Variants in SLC12A8 observed in about 807,000 individuals in gnomAD.
SLC12A8 encodes the protein cation-chloride cotransporter 9.
A neutral mutation model predicts 75.6 loss-of-function variants in SLC12A8; 69 were observed. The observed-to-expected ratio is 0.91, with a 90% confidence interval of 0.75 to 1.11. The LOEUF (loss-of-function observed/expected upper bound fraction) is 1.11. SLC12A8 is among the 50% of genes most tolerant of loss of function. The probability of loss-of-function intolerance (pLI) is 0.00; values close to 1 mark genes in which losing one functional copy is unlikely to be tolerated. For missense variants in SLC12A8, 877 were observed against 896.7 expected, an observed-to-expected ratio of 0.98 and a Z score of 0.28; for synonymous variants, 365 against 372.8, an observed-to-expected ratio of 0.98 and a Z score of 0.24.
Position 125,091,486 on chromosome 3 carries a change from G to A in SLC12A8, c.1874C>T (p.Ala625Val), listed in dbSNP as rs201265526. 2.5e-6 allele frequency: 4 copies of A among 1,613,944 alleles called. No individual in the cohort carries two copies. The highest frequency in any genetic ancestry group is 3.4e-6 in the Non-Finnish European group (4 of 1,179,906). The change falls in exon 12 of 14, where the codon GCC becomes GTC. Residue 625 changes from alanine to valine, a missense_variant. By Grantham distance (64) the Ala-to-Val change is moderately conservative. Coordinates refer to ENST00000469902, the MANE Select transcript of SLC12A8 (RefSeq NM_024628.6). ...VYTLVNMGVAAIVYFYIGRAS... is the reference protein window; with the variant it reads ...VYTLVNMGVAVIVYFYIGRAS... ...CCGGCCAATGTAGAAATACACGATG[G>A]CAGCAACACCCATGTTAACCAGGGT...
chr3:125,090,599 T>G (rs955525759), intron 12 of SLC12A8, among the ~76,000 whole-genome samples: 1 of 152,230 alleles, frequency 6.6e-6, no homozygotes, highest in Non-Finnish European at 1.5e-5. Context: ...CAAAGCTGTG[T>G]TTTTAAGTGC....
intron 5 of SLC12A8, among the ~76,000 whole-genome samples, chr3:125,160,922 G>A (rs570617726): frequency 2.2e-4 from 33 of 152,322 alleles, no homozygotes; most frequent in South Asian, 1.2e-3. Flanking sequence ...GTGACCCAGC[G>A]AAGGTCACTC....
chr3:125,142,976 T>C (rs576139561), intron 5 of SLC12A8, among the ~76,000 whole-genome samples: 2 of 152,358 alleles, frequency 1.3e-5, no homozygotes, highest in South Asian at 2.1e-4. Context: ...ACAAGCTCAC[T>C]ACCACAGTTC....
intron 4 of SLC12A8, among the ~76,000 whole-genome samples, chr3:125,182,397 G>A (rs559387722): frequency 1.0e-3 from 155 of 151,990 alleles, no homozygotes; most frequent in Middle Eastern, 6.8e-3. Context: ...TATACTATAC[G>A]ATATTAAGTA....
At chr3:125,159,558 A>T (rs1934122741) in intron 5 of SLC12A8, among the ~76,000 whole-genome samples, 1 of 152,250 alleles carries the variant, frequency 6.6e-6, no homozygotes, top group Non-Finnish European at 1.5e-5. Context: ...AACCAATCTG[A>T]TTTAGCCCTC....
At chr3:125,128,358 T>G (rs1933266009) in intron 6 of SLC12A8, among the ~76,000 whole-genome samples, 1 of 145,410 alleles carries the variant, frequency 6.9e-6, no homozygotes, top group African/African-American at 2.5e-5. Context: ...TTTTTTGTAT[T>G]TTTAGTAGAG....
intron 4 of SLC12A8, among the ~76,000 whole-genome samples, chr3:125,182,824 T>C (rs917385008): frequency 1.3e-5 from 2 of 152,124 alleles, no homozygotes; most frequent in African/African-American, 4.8e-5. Context: ...GTCCCCATTT[T>C]TGTAAAAACA....
intron 5 of SLC12A8, among the ~76,000 whole-genome samples, chr3:125,143,890 C>T (rs539783013): frequency 2.0e-5 from 3 of 152,342 alleles, no homozygotes; most frequent in African/African-American, 7.2e-5. Flanking sequence ...AGGGCAGTCC[C>T]GGGGCTCTTT....
intron 7 of SLC12A8, 117 bp downstream of exon 7, chr3:125,120,482 A>G: frequency 1.3e-6 from 1 of 774,852 alleles, no homozygotes; most frequent in South Asian, 1.5e-5. Flanking sequence ...GGATCGGAAT[A>G]TGAAATAGAT....
At position 125,212,688 on chromosome 3, in the gene SLC12A8, T is replaced by G. The variant is rs1195654856; in HGVS notation, c.-46+12A>C. 1 of 152,460 alleles carries G rather than the reference T, an allele frequency of 6.6e-6. No individual in the cohort carries two copies. Among genetic ancestry groups the G allele is most frequent in the African/African-American group, 2.4e-5 (1 of 41,386 alleles). 9.4% of individuals were successfully genotyped at this position (152,460 alleles called of 1,614,324 possible). On this transcript the variant is annotated intron_variant, in intron 1 of 13. Transcript: ENST00000469902. The stretch of plus-strand genomic sequence containing the variant: ...CCACCCTCTCCACCCCCCACAGCCC[T>G]TCCGCCCTCACCTGCTCCTGGGACA...
intron 5 of SLC12A8, among the ~76,000 whole-genome samples, chr3:125,135,997 C>T (rs994215751): frequency 1.3e-5 from 2 of 152,084 alleles, no homozygotes; most frequent in African/African-American, 4.8e-5. Context: ...AGATGGATGA[C>T]ATAACATGAA....
In SLC12A8 at chr3:125,110,190, C is replaced by A; in HGVS notation, c.1058G>T (p.Gly353Val). The A allele has an allele frequency of 6.2e-7, 1 of 1,611,622 alleles. No homozygotes were observed. Among genetic ancestry groups the A allele is most frequent in the Non-Finnish European group, 8.5e-7 (1 of 1,178,376 alleles). ...AACCAAAAAAAGAGGATTACTCACCCCTTGTCCCAGACAGGCAAGTGCAGG... is the reference window on the plus strand; with the variant it reads ...AACCAAAAAAAGAGGATTACTCACCACTTGTCCCAGACAGGCAAGTGCAGG... ...VIPALACLGQGKGPNKTPVAA... is the reference protein window; with the variant it reads ...VIPALACLGQVKGPNKTPVAA... The change falls in exon 9 of 14, where the codon GGG becomes GTG. Residue 353 changes from glycine to valine, a missense_variant and splice_region_variant. Physicochemically the swap from Gly to Val is moderately radical, Grantham distance 109 (BLOSUM62 -3). Transcript: ENST00000469902.
intron 8 of SLC12A8, among the ~76,000 whole-genome samples, chr3:125,116,064 A>G (rs1273698453): frequency 2.6e-5 from 4 of 152,302 alleles, no homozygotes; most frequent in Non-Finnish European, 5.9e-5. Flanking sequence ...CTGCCTGAGC[A>G]CGGTACCTGC....
chr3:125,192,711 C>T (rs73193442), intron 2 of SLC12A8: 9,388 of 154,490 alleles, frequency 0.061, 434 homozygotes, highest in Non-Finnish European at 0.094. Flanking sequence ...GAAAATATAA[C>T]TGGTTTAAAA....
rs982028727 is a variant in SLC12A8, at chr3:125,120,880, G to A, written c.737-194C>T. On this transcript the variant is annotated intron_variant, in intron 6 of 13. Transcript: ENST00000469902. Reference sequence around the variant, plus strand: ...AGGGAGGCATCCCTGTGGCGTGAAAGGCACCTTTGTGGGTTGGAGGAGGCT... The same window carrying A: ...AGGGAGGCATCCCTGTGGCGTGAAAAGCACCTTTGTGGGTTGGAGGAGGCT... 3 of 702,264 alleles carry A rather than the reference G, an allele frequency of 4.3e-6. No homozygotes were observed. In the African/African-American group the frequency reaches 5.2e-5, roughly 12 times the overall value. The allele number at this position is 702,264 out of a possible 1,614,324, so 43.5% of individuals were successfully genotyped here.
At chr3:125,143,968 T>A (rs928464574) in intron 5 of SLC12A8, among the ~76,000 whole-genome samples, 1 of 152,236 alleles carries the variant, frequency 6.6e-6, no homozygotes. Context: ...TGGTTTCTAA[T>A]AACCAAGAAA....
intron 5 of SLC12A8, among the ~76,000 whole-genome samples, chr3:125,159,712 C>G: frequency 6.6e-6 from 1 of 152,114 alleles, no homozygotes; most frequent in Non-Finnish European, 1.5e-5. Flanking sequence ...TGACCCACTC[C>G]TGAGACCTAG....
At chr3:125,109,043 C>G (rs1336134066) in intron 9 of SLC12A8, among the ~76,000 whole-genome samples, 1 of 152,220 alleles carries the variant, frequency 6.6e-6, no homozygotes, top group Non-Finnish European at 1.5e-5. Flanking sequence ...GCAACAGTCA[C>G]TTCTCAGTCC....
intron 2 of SLC12A8, among the ~76,000 whole-genome samples, chr3:125,210,460 T>C (rs1394123836): frequency 2.6e-5 from 4 of 152,026 alleles, no homozygotes; most frequent in Non-Finnish European, 5.9e-5. Flanking sequence ...ACACTGAAGG[T>C]TTTAAACAGG....
Sources: gnomAD v4.1 joint callset for allele counts (sites outside exome capture counted in the v4.1 genomes callset) on GRCh38, gnomAD v4.1.1 for gene constraint, MANE v1.5 for transcripts, NCBI Gene and HGNC (gene_info 2026-07-23, HGNC 2026-07-21) for gene names.